Variants in AKAP13 observed in about 807,000 individuals in gnomAD.
AKAP13 encodes A-kinase anchor protein 13.
A neutral mutation model predicts 264.5 loss-of-function variants in AKAP13; 80 were observed. The ratio of observed to expected loss-of-function variants is 0.30; its 90% CI spans 0.25 to 0.36. The LOEUF (loss-of-function observed/expected upper bound fraction) is 0.36, where lower values mean the gene tolerates loss of function less well. Ranked by LOEUF, AKAP13 falls within the 10% of genes least tolerant of loss-of-function variation. The probability of loss-of-function intolerance (pLI) is 1.00; values close to 1 mark genes in which losing one functional copy is unlikely to be tolerated. For missense variants in AKAP13, 3,712 were observed against 3,435.2 expected (o/e 1.08, Z -2.01); for synonymous variants, 1,380 against 1,250.2 (o/e 1.10, Z -2.19).
intron 12 of AKAP13, among the ~76,000 whole-genome samples, chr15:85,659,733 G>GA (rs35034929): frequency 0.5 from 75,510 of 151,934 alleles, 19,881 homozygotes; most frequent in Middle Eastern, 0.66. Flanking sequence ...TGTATACATG[G>GA]AGTGTCATCA....
At chr15:85,739,938 T>G (rs935312454) in intron 33 of AKAP13, among the ~76,000 whole-genome samples, 2 of 152,240 alleles carry the variant, frequency 1.3e-5, no homozygotes, top group Non-Finnish European at 2.9e-5. Flanking sequence ...TTGATATGTA[T>G]GCTGTTTTTA....
chr15:85,609,329 A>G (rs972888035), intron 8 of AKAP13, among the ~76,000 whole-genome samples: 2 of 152,122 alleles, frequency 1.3e-5, no homozygotes, highest in Non-Finnish European at 2.9e-5. Flanking sequence ...TGTGAAATCA[A>G]CTTATTTAGA....
chr15:85,690,383 C>A (rs2085212633), intron 16 of AKAP13, among the ~76,000 whole-genome samples: 1 of 152,050 alleles, frequency 6.6e-6, no homozygotes, highest in African/African-American at 2.4e-5. Flanking sequence ...ATGGAAAAAC[C>A]TTTAGCAAAA....
intron 30 of AKAP13, among the ~76,000 whole-genome samples, chr15:85,732,383 T>TA (rs1307759086): frequency 6.6e-6 from 1 of 151,662 alleles, no homozygotes; most frequent in Non-Finnish European, 1.5e-5. Context: ...GGTTGATTGT[T>TA]ACTAGGTTGG....
At chr15:85,588,419 C>T (rs988743193) in intron 8 of AKAP13, among the ~76,000 whole-genome samples, 1 of 152,240 alleles carries the variant, frequency 6.6e-6, no homozygotes, top group Non-Finnish European at 1.5e-5. Flanking sequence ...TTCCAGAAGC[C>T]CCTTAGAAAG....
At chr15:85,559,322 T>G (rs1301694741) in intron 5 of AKAP13, among the ~76,000 whole-genome samples, 1 of 152,136 alleles carries the variant, frequency 6.6e-6, no homozygotes, top group South Asian at 2.1e-4. Flanking sequence ...TAAATAATAT[T>G]TAAATAGAAA....
intron 1 of AKAP13, among the ~76,000 whole-genome samples, chr15:85,459,795 G>T (rs2074437954): frequency 6.6e-6 from 1 of 152,168 alleles, no homozygotes; most frequent in South Asian, 2.1e-4. Flanking sequence ...CACTGTGCCT[G>T]GCCTAGCCTG....
In AKAP13 at chr15:85,743,399, GCA is replaced by G. The variant is rs1292358529; in HGVS notation, c.8059-89_8059-88del. 68 of 1,373,802 alleles carry G rather than the reference GCA, an allele frequency of 4.9e-5. 1 individual carries two copies. In the South Asian group the frequency reaches 7.3e-4, roughly 15 times the overall value. 85.1% of individuals were successfully genotyped at this position (1,373,802 alleles called of 1,614,324 possible). A position where few individuals can be genotyped will look rare whatever the true frequency, so the allele number is the denominator to read the frequency against. On this transcript the variant is annotated intron_variant, in intron 35 of 36. Coordinates refer to ENST00000394518, the MANE Select transcript of AKAP13 (RefSeq NM_007200.5). ...GCAGAGGTGGGTAAGTACCCAGCCAGCACACCCAGTTGAATTCAGCCAGGATT... is the reference window on the plus strand; with the variant it reads ...GCAGAGGTGGGTAAGTACCCAGCCAGCACCCAGTTGAATTCAGCCAGGATT...
chr15:85,592,374 C>G (rs568751194), intron 8 of AKAP13, among the ~76,000 whole-genome samples: 1 of 152,184 alleles, frequency 6.6e-6, no homozygotes. Flanking sequence ...ATGACAGCCT[C>G]TAGGCTATTT....
In AKAP13 at chr15:85,748,713, AGATT is replaced by A. The variant is rs766247177; in HGVS notation, c.*4040_*4043del. On this transcript the variant is annotated 3_prime_UTR_variant, in exon 37 of 37. Coordinates refer to ENST00000394518, the MANE Select transcript of AKAP13 (RefSeq NM_007200.5). Reference sequence around the variant, plus strand: ...GTACTCATCTAATTTAATTGTCAAAAGATTGATAGGCCATGAATTACTTCTCCAT... The same window carrying A: ...GTACTCATCTAATTTAATTGTCAAAAGATAGGCCATGAATTACTTCTCCAT... The A allele has an allele frequency of 9.9e-5, 15 of 152,184 alleles. No homozygotes were observed. Among genetic ancestry groups the A allele is most frequent in the African/African-American group, 3.6e-4 (15 of 41,438 alleles). The allele number at this position is 152,184 out of a possible 1,614,324, so 9.4% of individuals were successfully genotyped here.
intron 8 of AKAP13, among the ~76,000 whole-genome samples, chr15:85,631,536 ACACACACACACACACACT>A (rs1380243262): frequency 2.0e-5 from 2 of 98,582 alleles, no homozygotes; most frequent in Non-Finnish European, 4.7e-5. Flanking sequence ...ACACACACAC[ACACACACACACACACACT>A]AAATGCAATG....
At chr15:85,523,809 GCCC>G (rs879869538) in intron 3 of AKAP13, among the ~76,000 whole-genome samples, 5 of 79,810 alleles carry the variant, frequency 6.3e-5, no homozygotes, top group Non-Finnish European at 7.9e-5. Flanking sequence ...CCCCCTCCCC[GCCC>G]CCCTTTTTTT....
At chr15:85,505,574 T>C (rs973341440) in intron 2 of AKAP13, among the ~76,000 whole-genome samples, 2 of 152,198 alleles carry the variant, frequency 1.3e-5, no homozygotes, top group African/African-American at 2.4e-5. Context: ...AATAAAATTC[T>C]TTAATATTTT....
intron 5 of AKAP13, among the ~76,000 whole-genome samples, chr15:85,549,790 A>G (rs1424461358): frequency 2.6e-5 from 4 of 151,178 alleles, no homozygotes; most frequent in South Asian, 2.1e-4. Context: ...TTTCTAGTCT[A>G]TATGTTTTTT....
chr15:85,399,986 G>T (rs979138097), intron 1 of AKAP13, among the ~76,000 whole-genome samples: 2 of 152,100 alleles, frequency 1.3e-5, no homozygotes, highest in Admixed American at 1.3e-4. Context: ...TCTAGAGATG[G>T]TGTCTCGCTG....
chr15:85,579,253 T>C lies in AKAP13; in HGVS notation c.1185T>C (p.Ser395=). The part of the protein sequence containing the change: ...PAPIVDSGTV[S]DQDSCLQSLP... ...CTATTGTGGACTCTGGAACTGTATC[T>C]GATCAAGACAGCTGCCTTCAGAGCT... Residue 395 remains serine (S), a synonymous_variant, in exon 7 of 37, where the codon TCT becomes TCC. Coordinates refer to ENST00000394518, the MANE Select transcript of AKAP13 (RefSeq NM_007200.5). The C allele has an allele frequency of 1.2e-6, 2 of 1,614,230 alleles. No individual in the cohort carries two copies. The highest frequency in any genetic ancestry group is 1.3e-5 in the African/African-American group (1 of 75,060).
In AKAP13 at chr15:85,727,365, G is replaced by A; in HGVS notation, c.7005-16G>A. 1 of 1,614,114 alleles carries A rather than the reference G, an allele frequency of 6.2e-7. No homozygotes were observed. The highest frequency in any genetic ancestry group is 8.5e-7 in the Non-Finnish European group (1 of 1,179,994). On this transcript the variant is annotated splice_polypyrimidine_tract_variant and intron_variant, in intron 28 of 36. Coordinates refer to ENST00000394518, the MANE Select transcript of AKAP13 (RefSeq NM_007200.5). This position sits in a 1 kb window ranked among gnomAD's most constrained non-coding sequence, Gnocchi z 5.3. ...TCTTAGGAATTTTTTGTTCTGTCTT[G>A]TTTGGGTTGTATTAGGAACAGAGAT...
chr15:85,549,515 A>T (rs567146089), intron 5 of AKAP13, among the ~76,000 whole-genome samples: 2 of 152,316 alleles, frequency 1.3e-5, no homozygotes, highest in South Asian at 4.1e-4. Context: ...TACATTACAG[A>T]TATTGTTTCA....
Position 85,581,884 on chromosome 15 carries a change from G to A in AKAP13, c.3816G>A (p.Glu1272=), listed in dbSNP as rs1404038692. The part of the protein sequence containing the change: ...QVKAAGALLT[E]GEACHMSLSS... Reference sequence around the variant, plus strand: ...AGGCCGCTGGAGCACTGCTTACTGAGGGGGAGGCCTGTCACATGTCACTGT... The same window carrying A: ...AGGCCGCTGGAGCACTGCTTACTGAAGGGGAGGCCTGTCACATGTCACTGT... Residue 1272 remains glutamate, a synonymous_variant, in exon 7 of 37, where the codon GAG becomes GAA. Transcript: ENST00000394518. 1 of 1,614,156 alleles carries A rather than the reference G, an allele frequency of 6.2e-7. No homozygotes were observed.
Sources: gnomAD v4.1 joint callset for allele counts (sites outside exome capture counted in the v4.1 genomes callset) on GRCh38, gnomAD v4.1.1 for gene constraint, Gnocchi (gnomAD v3.1) non-coding constraint, MANE v1.5 for transcripts, NCBI Gene and HGNC (gene_info 2026-07-23, HGNC 2026-07-21) for gene names.